AFF3: variants seen among roughly 807,000 people sequenced by gnomAD.
AFF3 encodes the protein AF4/FMR2 family member 3.
AFF3 carries 32 observed loss-of-function variants against 129.7 expected under a neutral mutation model. The observed-to-expected ratio is 0.25, with a 90% CI of 0.19 to 0.33. The LOEUF is 0.33. AFF3 is among the 10% of genes least tolerant of loss of function. AFF3 has a pLI of 1.00. For synonymous variants in AFF3, 644 were observed against 635.4 expected, an observed-to-expected ratio of 1.01 and a Z score of -0.20; for missense variants, 1,373 against 1,592.0, an observed-to-expected ratio of 0.86 and a Z score of 2.34.
intron 7 of AFF3, among the ~76,000 whole-genome samples, chr2:99,945,205 C>G (rs1390700782): frequency 2.6e-5 from 4 of 152,196 alleles, no homozygotes. Context: ...GTGGGAAGAC[C>G]ACGTTAGCAA....
At chr2:100,112,176 T>C (rs1318902345) in intron 2 of AFF3, among the ~76,000 whole-genome samples, 2 of 152,190 alleles carry the variant, frequency 1.3e-5, no homozygotes, top group African/African-American at 4.8e-5. Flanking sequence ...AAGAAGTCTT[T>C]GCTCAGTGGA....
At chr2:99,855,099 C>T (rs1056287888) in intron 7 of AFF3, among the ~76,000 whole-genome samples, 6 of 151,892 alleles carry the variant, frequency 4.0e-5, no homozygotes, top group Non-Finnish European at 7.4e-5. Flanking sequence ...GAAAATATTT[C>T]CTAAATAAGA....
chr2:99,561,285 TG>T (rs953296881), intron 20 of AFF3, among the ~76,000 whole-genome samples: 1 of 152,260 alleles, frequency 6.6e-6, no homozygotes, highest in African/African-American at 2.4e-5. Flanking sequence ...GATAGTTGGC[TG>T]GCTTGTAAAT....
intron 11 of AFF3, among the ~76,000 whole-genome samples, chr2:99,717,595 T>G (rs1302194155): frequency 1.3e-5 from 2 of 152,254 alleles, no homozygotes; most frequent in Non-Finnish European, 2.9e-5. Context: ...ATTGTCAGAA[T>G]ATCTTATATA....
intron 5 of AFF3, chr2:100,007,755 A>C: frequency 2.6e-6 from 1 of 391,080 alleles, no homozygotes; most frequent in Non-Finnish European, 4.7e-6. Flanking sequence ...TGGGCGGAAC[A>C]CCTGAGGTCA....
At chr2:100,018,012 ATGTGTGTGTG>A (rs754696123) in intron 4 of AFF3, among the ~76,000 whole-genome samples, 1 of 148,102 alleles carries the variant, frequency 6.8e-6, no homozygotes, top group Non-Finnish European at 1.5e-5. Flanking sequence ...CTTGGTTGAT[ATGTGTGTGTG>A]TGTGTGTGTG....
chr2:99,637,643 G>A (rs1466794755), intron 13 of AFF3, among the ~76,000 whole-genome samples: 1 of 152,118 alleles, frequency 6.6e-6, no homozygotes, highest in African/African-American at 2.4e-5. Flanking sequence ...GACAGCAAGT[G>A]CTTAATTTAA....
chr2:99,918,942 C>T (rs1004224610), intron 7 of AFF3, among the ~76,000 whole-genome samples: 5 of 152,180 alleles, frequency 3.3e-5, no homozygotes, highest in African/African-American at 1.2e-4. Context: ...CATCTCCCCA[C>T]AGAAAAGTTG....
intron 4 of AFF3, among the ~76,000 whole-genome samples, chr2:100,095,298 C>T (rs1218581915): frequency 6.6e-6 from 1 of 152,164 alleles, no homozygotes; most frequent in East Asian, 1.9e-4. Flanking sequence ...TTGAGGGCAA[C>T]TGTTTTCCTC....
intron 15 of AFF3, among the ~76,000 whole-genome samples, chr2:99,589,602 T>C (rs928489258): frequency 1.3e-5 from 2 of 152,074 alleles, no homozygotes; most frequent in African/African-American, 4.8e-5. Context: ...GGTTTCACCA[T>C]GTTGGCCAGG....
chr2:100,122,869 C>T (rs923891104), intron 2 of AFF3, among the ~76,000 whole-genome samples: 1 of 152,204 alleles, frequency 6.6e-6, no homozygotes, highest in Non-Finnish European at 1.5e-5. Flanking sequence ...CAATGTGGAT[C>T]AAACTAATTT....
intron 4 of AFF3, among the ~76,000 whole-genome samples, chr2:100,040,759 T>G (rs111310237): frequency 5.5e-4 from 84 of 152,310 alleles, no homozygotes; most frequent in African/African-American, 2.0e-3. Context: ...GAAAACAGCT[T>G]CAGGGCTTGG....
rs199950791 is a variant in AFF3 at position 99,736,925 on chromosome 2, TA to T, written c.1039+7178del. ...ACGCCCGGCCTTTAAATTACTGATT[TA>T]ATTTATGCTACCATATTTTTCCATA... On this transcript the variant is annotated intron_variant, in intron 10 of 24. Transcript: ENST00000672756. Among the ~76,000 whole-genome samples, 1,341 of 152,276 alleles carry T rather than the reference TA, an allele frequency of 8.8e-3. 11 individuals carry two copies. Among genetic ancestry groups the T allele is most frequent in the Non-Finnish European group, 0.014 (929 of 68,008 alleles).
At chr2:99,771,247 T>C (rs535835151) in intron 8 of AFF3, among the ~76,000 whole-genome samples, 14 of 151,918 alleles carry the variant, frequency 9.2e-5, no homozygotes, top group African/African-American at 3.1e-4. Context: ...GAAAAACACA[T>C]ACTGAGGCCT....
intron 8 of AFF3, among the ~76,000 whole-genome samples, chr2:99,819,681 A>G (rs543378046): frequency 6.6e-6 from 1 of 152,368 alleles, no homozygotes; most frequent in Admixed American, 6.5e-5. Context: ...TCCTTGCAAA[A>G]TGTACACTCT....
chr2:99,681,904 T>C (rs1674559541), intron 11 of AFF3, among the ~76,000 whole-genome samples: 1 of 114,698 alleles, frequency 8.7e-6, no homozygotes, highest in Non-Finnish European at 1.7e-5. Flanking sequence ...ACTGCCTTAA[T>C]TCTATTTTTT....
intron 2 of AFF3, among the ~76,000 whole-genome samples, chr2:100,124,901 G>C (rs757061423): frequency 1.3e-5 from 2 of 152,170 alleles, no homozygotes; most frequent in Non-Finnish European, 2.9e-5. Flanking sequence ...ACTGAATCAT[G>C]ATTCTGGGAA....
At chr2:99,598,347 G>T (rs1679491800) in intron 14 of AFF3, among the ~76,000 whole-genome samples, 1 of 152,152 alleles carries the variant, frequency 6.6e-6, no homozygotes, top group Non-Finnish European at 1.5e-5. Flanking sequence ...GCAAAGCTCT[G>T]GTATAAGAGG....
chr2:100,048,873 C>T (rs1177104706), intron 4 of AFF3, among the ~76,000 whole-genome samples: 3 of 152,102 alleles, frequency 2.0e-5, no homozygotes, highest in Non-Finnish European at 4.4e-5. Context: ...TTTATCAAAT[C>T]CTACTGACAG....
Sources: allele counts gnomAD v4.1 joint callset (sites outside exome capture counted in the v4.1 genomes callset), GRCh38; gene constraint gnomAD v4.1.1; transcripts MANE v1.5; gene names NCBI Gene and HGNC (gene_info 2026-07-23, HGNC 2026-07-21).